Variants in SCHIP1 observed in about 807,000 individuals in gnomAD.
SCHIP1 encodes schwannomin interacting protein 1, also known as schwannomin-interacting protein 1.
In SCHIP1, 8 loss-of-function variants were observed where a neutral mutation model predicts 29.7. The ratio of observed to expected loss-of-function variants is 0.27; its 90% CI spans 0.16 to 0.49. The LOEUF (loss-of-function observed/expected upper bound fraction) is 0.49, where lower values mean the gene tolerates loss of function less well. Ranked by LOEUF, SCHIP1 falls within the 20% of genes least tolerant of loss-of-function variation. The pLI, the probability that SCHIP1 is intolerant of heterozygous loss-of-function variation, is 0.99. For missense variants in SCHIP1, 193 were observed against 294.6 expected, an observed-to-expected ratio of 0.66 and a Z score of 2.52; for synonymous variants, 76 against 94.9, an observed-to-expected ratio of 0.80 and a Z score of 1.16.
the SCHIP1 span, among the ~76,000 whole-genome samples, chr3:159,335,204 A>G: frequency 6.6e-6 from 1 of 151,964 alleles, no homozygotes; most frequent in Non-Finnish European, 1.5e-5. Flanking sequence ...CCCTTGGGGC[A>G]CTCTGAAAAC....
chr3:159,666,257 A>G, the SCHIP1 span, among the ~76,000 whole-genome samples: 1 of 152,170 alleles, frequency 6.6e-6, no homozygotes, highest in Non-Finnish European at 1.5e-5. Context: ...GCAGCACATA[A>G]TCTGCACAGC....
chr3:159,325,789 T>C, the SCHIP1 span, among the ~76,000 whole-genome samples: 1 of 152,126 alleles, frequency 6.6e-6, no homozygotes, highest in African/African-American at 2.4e-5. Flanking sequence ...GATACTGATG[T>C]ATTTACTATT....
chr3:159,781,598 G>A, the SCHIP1 span, among the ~76,000 whole-genome samples: 1 of 152,342 alleles, frequency 6.6e-6, no homozygotes, highest in South Asian at 2.1e-4. Flanking sequence ...TTTACTCAAT[G>A]AGTGAATATT....
At chr3:159,590,701 A>G in the SCHIP1 span, among the ~76,000 whole-genome samples, 227 of 152,284 alleles carry the variant, frequency 1.5e-3, no homozygotes, top group African/African-American at 5.2e-3. Context: ...TCAGCTGAAA[A>G]AAGTGTTTAG....
intron 1 of SCHIP1, among the ~76,000 whole-genome samples, chr3:159,862,885 T>C (rs1714207634): frequency 6.6e-6 from 1 of 152,196 alleles, no homozygotes; most frequent in African/African-American, 2.4e-5. Context: ...CCCTCTTACA[T>C]TGCTGGCGGG....
the SCHIP1 span, among the ~76,000 whole-genome samples, chr3:159,643,419 G>A: frequency 1.3e-5 from 2 of 152,026 alleles, no homozygotes; most frequent in Admixed American, 6.6e-5. Context: ...GAGAGACAGA[G>A]TACCAACAGA....
At chr3:159,309,873 G>A in the SCHIP1 span, among the ~76,000 whole-genome samples, 1 of 152,100 alleles carries the variant, frequency 6.6e-6, no homozygotes, top group East Asian at 1.9e-4. Context: ...TAATATATCT[G>A]AAGTCATTAT....
chr3:159,836,828 T>C (rs1194217432), upstream of SCHIP1, among the ~76,000 whole-genome samples: 2 of 152,260 alleles, frequency 1.3e-5, no homozygotes, highest in Non-Finnish European at 2.9e-5. Flanking sequence ...TGGTAAACTA[T>C]TCTAGCTTAA....
chr3:159,841,976 A>C (rs1744268519), intron 1 of SCHIP1, among the ~76,000 whole-genome samples: 1 of 152,158 alleles, frequency 6.6e-6, no homozygotes, highest in Admixed American at 6.5e-5. Flanking sequence ...TTAACCTTGA[A>C]GCCAAATCTT....
chr3:159,571,695 G>A, the SCHIP1 span, among the ~76,000 whole-genome samples: 1 of 152,182 alleles, frequency 6.6e-6, no homozygotes, highest in Non-Finnish European at 1.5e-5. Context: ...AGTTTCAGAA[G>A]GAATGGTACT....
At chr3:159,826,598 A>G in the SCHIP1 span, among the ~76,000 whole-genome samples, 2 of 152,232 alleles carry the variant, frequency 1.3e-5, no homozygotes, top group African/African-American at 4.8e-5. Flanking sequence ...AATTTGATTG[A>G]AAGTCAAGAG....
chr3:159,444,284 A>G, the SCHIP1 span, among the ~76,000 whole-genome samples: 42,946 of 151,894 alleles, frequency 0.28, 8,197 homozygotes, highest in African/African-American at 0.55. Context: ...AGGTCACTTC[A>G]AGGGTGGGGC....
At chr3:159,273,728 C>A in the SCHIP1 span, 2 of 1,555,706 alleles carry the variant, frequency 1.3e-6, no homozygotes, top group Non-Finnish European at 1.7e-6. Flanking sequence ...ACCTTACTAG[C>A]TAACCCAGGT....
At chr3:159,349,681 A>T in the SCHIP1 span, among the ~76,000 whole-genome samples, 1 of 152,280 alleles carries the variant, frequency 6.6e-6, no homozygotes, top group East Asian at 1.9e-4. Flanking sequence ...CTTATGTGTG[A>T]CATGATAGAG....
the SCHIP1 span, among the ~76,000 whole-genome samples, chr3:159,601,568 C>T: frequency 1.9e-3 from 288 of 152,296 alleles, 2 homozygotes; most frequent in African/African-American, 6.1e-3. Context: ...AGAGCTTAAG[C>T]ACAGAGGCTG....
At chr3:159,375,211 C>T in the SCHIP1 span, among the ~76,000 whole-genome samples, 3 of 152,104 alleles carry the variant, frequency 2.0e-5, no homozygotes, top group African/African-American at 7.2e-5. Context: ...CAAGCAATGA[C>T]AGGTGACCAT....
At chr3:159,373,570 C>T in the SCHIP1 span, among the ~76,000 whole-genome samples, 2 of 151,968 alleles carry the variant, frequency 1.3e-5, no homozygotes, top group Non-Finnish European at 2.9e-5. Context: ...CCCTATTTCC[C>T]TCAAATTCCC....
At chr3:159,643,777 C>G in the SCHIP1 span, among the ~76,000 whole-genome samples, 1 of 152,014 alleles carries the variant, frequency 6.6e-6, no homozygotes. Flanking sequence ...ATGTTTTCTT[C>G]CTTAGACTTG....
chr3:159,469,401 G>C, the SCHIP1 span, among the ~76,000 whole-genome samples: 35 of 152,230 alleles, frequency 2.3e-4, no homozygotes, highest in Admixed American at 1.4e-3. Flanking sequence ...GCTGAATTCA[G>C]AGTGAAATTG....
Sources: allele counts gnomAD v4.1 joint callset (sites outside exome capture counted in the v4.1 genomes callset), GRCh38; gene constraint gnomAD v4.1.1; transcripts MANE v1.5; gene names NCBI Gene and HGNC (gene_info 2026-07-23, HGNC 2026-07-21).